The following MAGI2 variants were observed in gnomAD, a reference collection of about 807,000 sequenced individuals.
MAGI2 encodes membrane associated guanylate kinase, WW and PDZ domain containing 2, also known as membrane-associated guanylate kinase, WW and PDZ domain-containing protein 2.
A neutral mutation model predicts 133.3 loss-of-function variants in MAGI2; 35 were observed. The ratio of observed to expected loss-of-function variants is 0.26; its 90% CI spans 0.20 to 0.35. The LOEUF (loss-of-function observed/expected upper bound fraction) is 0.35. Among genes scored for constraint, MAGI2 ranks in the 10% least tolerant of loss-of-function variants. The pLI, the probability that MAGI2 is intolerant of heterozygous loss-of-function variation, is 1.00. For missense variants in MAGI2, 1,636 were observed against 1,863.4 expected (o/e 0.88, Z 2.25); for synonymous variants, 729 against 710.6 (o/e 1.03, Z -0.41).
At chr7:78,774,489 A>G (rs1447913365) in intron 2 of MAGI2, among the ~76,000 whole-genome samples, 1 of 152,182 alleles carries the variant, frequency 6.6e-6, no homozygotes, top group Non-Finnish European at 1.5e-5. Context: ...CACTTCTTTG[A>G]TTCTTCCTGT....
chr7:79,225,198 G>A (rs939323526), intron 1 of MAGI2, among the ~76,000 whole-genome samples: 2 of 151,980 alleles, frequency 1.3e-5, no homozygotes, highest in Non-Finnish European at 2.9e-5. Context: ...TGTCTCTTAT[G>A]ATACATAAAA....
chr7:78,654,748 TAG>T lies in MAGI2; in HGVS notation c.419-27511_419-27510del, dbSNP rs796372448. Among the ~76,000 whole-genome samples, 568 of 103,140 alleles carry T rather than the reference TAG, an allele frequency of 5.5e-3. 10 individuals are homozygous for T. Among genetic ancestry groups the T allele is most frequent in the East Asian group, 0.029 (96 of 3,318 alleles). 67.7% of individuals were successfully genotyped at this position (103,140 alleles called of 152,430 possible). ...ATATATATATATATATATATATATATAGCATATATTTTGCATCGCAACTGGAA... is the reference window on the plus strand; with the variant it reads ...ATATATATATATATATATATATATATCATATATTTTGCATCGCAACTGGAA... On this transcript the variant is annotated intron_variant, in intron 2 of 21. Transcript: ENST00000354212.
intron 4 of MAGI2, among the ~76,000 whole-genome samples, chr7:78,512,711 G>C (rs1563105529): frequency 6.6e-6 from 1 of 152,078 alleles, no homozygotes; most frequent in Non-Finnish European, 1.5e-5. Context: ...TCTATTCAGG[G>C]TCTAGCCAGG....
intron 1 of MAGI2, among the ~76,000 whole-genome samples, chr7:79,268,481 C>T (rs1299844166): frequency 2.6e-5 from 4 of 152,176 alleles, no homozygotes; most frequent in Admixed American, 6.5e-5. Context: ...GCGTTGGAAA[C>T]GCTAACCTTT....
intron 10 of MAGI2, among the ~76,000 whole-genome samples, chr7:78,243,271 T>A (rs10250430): frequency 0.084 from 2,303 of 27,318 alleles, 24 homozygotes; most frequent in African/African-American, 0.14. Flanking sequence ...ACACACACAC[T>A]CTCTCTCTCT....
chr7:78,100,150 T>C (rs975455822), intron 20 of MAGI2, among the ~76,000 whole-genome samples: 2 of 152,200 alleles, frequency 1.3e-5, no homozygotes, highest in Non-Finnish European at 2.9e-5. Context: ...ACTATGAGCC[T>C]ATGATATAGT....
chr7:79,408,675 CAGGAACAAGTTAAATGGAAA>C lies in MAGI2; in HGVS notation c.301+44325_301+44344del, dbSNP rs1352034761. 1.5e-4 allele frequency among the ~76,000 whole-genome samples: 23 copies of C among 151,900 alleles called. No homozygotes were observed. In the East Asian group the frequency reaches 2.9e-3, roughly 19 times the overall value. Reference sequence around the variant, plus strand: ...TTAACTCAGAGAGGCAAGTAGAAACCAGGAACAAGTTAAATGGAAATCTGTGGAAGATTTTGGATGGCGTG... The same window carrying C: ...TTAACTCAGAGAGGCAAGTAGAAACCTCTGTGGAAGATTTTGGATGGCGTG... On this transcript the variant is annotated intron_variant, in intron 1 of 21. Transcript: ENST00000354212.
chr7:78,764,184 A>G (rs1824785296), intron 2 of MAGI2, among the ~76,000 whole-genome samples: 1 of 152,240 alleles, frequency 6.6e-6, no homozygotes, highest in South Asian at 2.1e-4. Context: ...AGATGATGCT[A>G]TATTTATAGA....
chr7:78,695,905 T>C (rs1186437533), intron 2 of MAGI2, among the ~76,000 whole-genome samples: 3 of 152,190 alleles, frequency 2.0e-5, no homozygotes, highest in African/African-American at 2.4e-5. Context: ...GACTTTTCTG[T>C]CTTCTCATTG....
intron 1 of MAGI2, among the ~76,000 whole-genome samples, chr7:79,329,639 T>C (rs1839924652): frequency 6.6e-6 from 1 of 152,226 alleles, no homozygotes; most frequent in African/African-American, 2.4e-5. Context: ...ATTACGAGAT[T>C]AGATTTCTGT....
intron 14 of MAGI2, among the ~76,000 whole-genome samples, chr7:78,176,868 A>G (rs969798723): frequency 3.4e-5 from 5 of 148,538 alleles, no homozygotes; most frequent in Admixed American, 6.8e-5. Flanking sequence ...CATATATATA[A>G]TATTTGTAGT....
intron 3 of MAGI2, among the ~76,000 whole-genome samples, chr7:78,551,641 C>A (rs993628653): frequency 1.3e-5 from 2 of 152,194 alleles, no homozygotes; most frequent in African/African-American, 4.8e-5. Context: ...TAGGCAGGCC[C>A]TAAGAGGGTA....
chr7:78,308,537 T>C (rs568467215), intron 9 of MAGI2, among the ~76,000 whole-genome samples: 1 of 152,074 alleles, frequency 6.6e-6, no homozygotes, highest in Non-Finnish European at 1.5e-5. Flanking sequence ...CTTTTTTTTT[T>C]TCTTTTTTTT....
chr7:78,347,323 C>T (rs1452355016), intron 7 of MAGI2: 1 of 152,342 alleles, frequency 6.6e-6, no homozygotes, highest in East Asian at 1.9e-4. Flanking sequence ...TTCCCAGAAA[C>T]ATGGTAAGTC....
Position 79,119,834 on chromosome 7 carries a change from C to T in MAGI2, c.302-112628G>A, listed in dbSNP as rs536140600. 1.4e-4 allele frequency among the ~76,000 whole-genome samples: 21 copies of T among 152,178 alleles called. No homozygotes were observed. In the South Asian group the frequency reaches 3.7e-3, roughly 27 times the overall value. ...GTATTATGGTGTGAGGAAAAAAATG[C>T]TTCCTTTACAAGGCTAGGGTTTCAA... On this transcript the variant is annotated intron_variant, in intron 1 of 21. Coordinates refer to ENST00000354212, the MANE Select transcript of MAGI2 (RefSeq NM_012301.4).
intron 2 of MAGI2, among the ~76,000 whole-genome samples, chr7:79,002,336 T>C (rs1430763282): frequency 6.6e-6 from 1 of 151,672 alleles, no homozygotes; most frequent in Non-Finnish European, 1.5e-5. Flanking sequence ...AGGGGTCTTG[T>C]AGAGATGGGG....
At chr7:78,461,916 C>CAAAAAAAAAAAAAAAAAAA (rs55811983) in intron 6 of MAGI2, among the ~76,000 whole-genome samples, 3 of 30,536 alleles carry the variant, frequency 9.8e-5, no homozygotes, top group Non-Finnish European at 1.9e-4. Flanking sequence ...AATTCCGTCT[C>CAAAAAAAAAAAAAAAAAAA]AAAAAAAAAA....
intron 2 of MAGI2, among the ~76,000 whole-genome samples, chr7:78,863,169 C>T (rs1188034226): frequency 6.6e-6 from 1 of 152,188 alleles, no homozygotes; most frequent in African/African-American, 2.4e-5. Context: ...AGACATGGAA[C>T]ACATAAGAAA....
Position 78,156,811 on chromosome 7 carries a change from G to GAA in MAGI2, c.2845+3212_2845+3213dup, listed in dbSNP as rs577837030. 3.1e-3 allele frequency among the ~76,000 whole-genome samples: 389 copies of GAA among 125,190 alleles called. 1 individual carries two copies. The highest frequency in any genetic ancestry group is 0.011 in the African/African-American group (372 of 33,948). 82.1% of individuals were successfully genotyped at this position (125,190 alleles called of 152,430 possible). ...ACCAAGAAAAAGCTCCCGAAGCCAC[G>GAA]AAAAAAAAAACAAACCCAAAAAAAA... is the stretch of plus-strand genomic sequence containing the variant. On this transcript the variant is annotated intron_variant, in intron 16 of 21. Coordinates refer to ENST00000354212, the MANE Select transcript of MAGI2 (RefSeq NM_012301.4).
Sources: gnomAD v4.1 joint callset for allele counts (sites outside exome capture counted in the v4.1 genomes callset) on GRCh38, gnomAD v4.1.1 for gene constraint, MANE v1.5 for transcripts, NCBI Gene and HGNC (gene_info 2026-07-23, HGNC 2026-07-21) for gene names.